Variants in TRIM5 observed in about 807,000 individuals in gnomAD.
The protein encoded by TRIM5 is tripartite motif-containing protein 5.
A neutral mutation model predicts 35.6 loss-of-function variants in TRIM5; 31 were observed. The ratio of observed to expected loss-of-function variants is 0.87; its 90% CI spans 0.65 to 1.18. TRIM5 has a LOEUF of 1.18. Among genes scored for constraint, TRIM5 ranks in the 50% most tolerant of loss-of-function variants. The pLI is 0.00. For synonymous variants in TRIM5, 243 were observed against 215.6 expected, an observed-to-expected ratio of 1.13 and a Z score of -1.11; for missense variants, 609 against 591.6, an observed-to-expected ratio of 1.03 and a Z score of -0.31.
chr11:5,658,134 C>T, the TRIM5 span, among the ~76,000 whole-genome samples: 2 of 152,094 alleles, frequency 1.3e-5, no homozygotes, highest in South Asian at 2.1e-4. Context: ...GCCTGCTATG[C>T]CCCCATCCTG....
Position 5,665,143 on chromosome 11 carries a change from G to A in TRIM5, c.1148C>T (p.Ala383Val). 3 of 1,613,986 alleles carry A rather than the reference G, an allele frequency of 1.9e-6. No individual in the cohort carries two copies. The highest frequency in any genetic ancestry group is 2.5e-6 in the Non-Finnish European group (3 of 1,179,972). ...LGVCAGFQPD[A>V]MCNIEKNENY... ...TTCATTTTTTTCAATATTACACATT[G>A]CATCAGGTTGGAAGCCAGCACATAC... Residue 383 changes from alanine to valine, a missense_variant, in exon 8 of 8, where the codon GCA becomes GTA. Transcript: ENST00000380034.
At chr11:5,631,982 T>C in the TRIM5 span, among the ~76,000 whole-genome samples, 1 of 152,194 alleles carries the variant, frequency 6.6e-6, no homozygotes, top group South Asian at 2.1e-4. Context: ...GCAGCCCTTC[T>C]GATGAAGGGA....
intron 5 of TRIM5, chr11:5,666,333 A>G: frequency 1.8e-6 from 1 of 545,806 alleles, no homozygotes. Flanking sequence ...TTCTAAAATG[A>G]AATAATTAAC....
the TRIM5 span, among the ~76,000 whole-genome samples, chr11:5,591,627 A>C: frequency 6.3e-3 from 951 of 152,120 alleles, 11 homozygotes; most frequent in African/African-American, 0.021. Context: ...CAGCCTGGGC[A>C]AAAAGGGCAA....
At chr11:5,628,817 T>TTG in the TRIM5 span, among the ~76,000 whole-genome samples, 1 of 151,780 alleles carries the variant, frequency 6.6e-6, no homozygotes. Flanking sequence ...TTTTTTTTTT[T>TTG]CAGAAGGCTC....
Position 5,665,008 on chromosome 11 carries a change from G to C in TRIM5, c.1283C>G (p.Pro428Arg). 1 of 1,614,036 alleles carries C rather than the reference G, an allele frequency of 6.2e-7. No homozygotes were observed. Among genetic ancestry groups the C allele is most frequent in the Non-Finnish European group, 8.5e-7 (1 of 1,180,010 alleles). The change falls in exon 8 of 8, where the codon CCC becomes CGC. Residue 428 changes from proline to arginine, a missense_variant. Physicochemically the swap from Pro to Arg is moderately radical, Grantham distance 103. Transcript: ENST00000380034. ...ATCAGGACAAATAATCACAGAGAGG[G>C]GCACAATGAAAGGAACAGAAGGAGT... is the stretch of plus-strand genomic sequence containing the variant. ...FHTPSVPFIVPLSVIICPDRV... is the reference protein window; with the variant it reads ...FHTPSVPFIVRLSVIICPDRV...
At chr11:5,665,611 A>G in intron 7 of TRIM5, 45 bp downstream of exon 7, 1 of 1,581,448 alleles carries the variant, frequency 6.3e-7, no homozygotes. Context: ...GATAATAATA[A>G]TGATAAGCCG....
rs746486829 is a variant in TRIM5, at chr11:5,665,204, C to T, written c.1087G>A (p.Val363Ile). 4.1e-5 allele frequency: 66 copies of T among 1,614,024 alleles called. No individual in the cohort carries two copies. Among genetic ancestry groups the T allele is most frequent in the Non-Finnish European group, 5.6e-5 (66 of 1,180,024 alleles). Residue 363 changes from valine to isoleucine, a missense_variant, in exon 8 of 8, where the codon GTA (valine) becomes ATA (isoleucine). Physicochemically the swap from Val to Ile is conservative, Grantham distance 29. Transcript: ENST00000380034. ...SITSGKHYWEVDVSKKTAWIL... is the reference protein window; with the variant it reads ...SITSGKHYWEIDVSKKTAWIL... The stretch of plus-strand genomic sequence containing the variant: ...CAAGCAGTTTTCTTGGACACGTCTA[C>T]CTCCCAGTAATGTTTCCCTGATGTG...
Position 5,665,147 on chromosome 11 carries a change from C to T in TRIM5, c.1144G>A (p.Asp382Asn). 1.2e-6 allele frequency: 2 copies of T among 1,614,040 alleles called. No homozygotes were observed. Among genetic ancestry groups the T allele is most frequent in the South Asian group, 1.1e-5 (1 of 91,068 alleles). ...ILGVCAGFQP[D>N]AMCNIEKNEN... ...TTTTTTTCAATATTACACATTGCATCAGGTTGGAAGCCAGCACATACCCCC... is the reference window on the plus strand; with the variant it reads ...TTTTTTTCAATATTACACATTGCATTAGGTTGGAAGCCAGCACATACCCCC... Residue 382 changes from aspartate to asparagine, a missense_variant, in exon 8 of 8, where the codon GAT becomes AAT. Transcript: ENST00000380034.
chr11:5,652,959 T>A, the TRIM5 span, among the ~76,000 whole-genome samples: 1 of 152,056 alleles, frequency 6.6e-6, no homozygotes. Flanking sequence ...TTCATGCCAT[T>A]CTCCTGCCTC....
the TRIM5 span, chr11:5,596,542 T>TGCCCCC: frequency 4.8e-5 from 1 of 20,710 alleles, no homozygotes; most frequent in African/African-American, 2.2e-4. Flanking sequence ...CCCTTCCCCC[T>TGCCCCC]TCCCCCTTCC....
Position 5,665,648 on chromosome 11 carries a change from C to T in TRIM5, c.895+8G>A, listed in dbSNP as rs774852668. On this transcript the variant is annotated splice_region_variant and intron_variant, in intron 7 of 7. Coordinates refer to ENST00000380034, the MANE Select transcript of TRIM5 (RefSeq NM_033034.3). ...AGGGTGGCTTATGATAATGTGACTT[C>T]TCCTTACCCCAGTAGCGTCGGACAT... 6 of 1,552,902 alleles carry T rather than the reference C, an allele frequency of 3.9e-6. No individual in the cohort carries two copies. The highest frequency in any genetic ancestry group is 5.2e-6 in the Non-Finnish European group (6 of 1,159,864).
chr11:5,626,439 A>C, the TRIM5 span, among the ~76,000 whole-genome samples: 1 of 152,216 alleles, frequency 6.6e-6, no homozygotes, highest in African/African-American at 2.4e-5. Flanking sequence ...GTTTTTATGA[A>C]AGTTTTAAAT....
the TRIM5 span, chr11:5,645,871 A>AC: frequency 7.6e-6 from 1 of 132,260 alleles, no homozygotes; most frequent in South Asian, 2.6e-4. Context: ...CTTCTGGAAA[A>AC]AAAAAAAAAA....
At chr11:5,682,269 G>T (rs1032136408) in intron 1 of TRIM5, among the ~76,000 whole-genome samples, 1 of 152,160 alleles carries the variant, frequency 6.6e-6, no homozygotes, top group Admixed American at 6.5e-5. Context: ...TGAGCTTGGT[G>T]ACAGGTGCCT....
chr11:5,594,718 G>A, the TRIM5 span, among the ~76,000 whole-genome samples: 5 of 152,234 alleles, frequency 3.3e-5, no homozygotes, highest in South Asian at 6.2e-4. Flanking sequence ...AAAATGGCCT[G>A]AGAAGGGACT....
the TRIM5 span, among the ~76,000 whole-genome samples, chr11:5,627,329 G>A: frequency 0.24 from 36,864 of 151,824 alleles, 4,886 homozygotes; most frequent in East Asian, 0.46. Context: ...GCAGTGAGCC[G>A]AGATCATGCC....
chr11:5,672,307 G>A (rs1298646052), intron 4 of TRIM5, among the ~76,000 whole-genome samples: 2 of 152,052 alleles, frequency 1.3e-5, no homozygotes, highest in South Asian at 2.1e-4. Flanking sequence ...TGCCTCCCAG[G>A]TTCAAGCGAG....
chr11:5,629,143 G>A, the TRIM5 span, among the ~76,000 whole-genome samples: 4 of 152,220 alleles, frequency 2.6e-5, no homozygotes, highest in African/African-American at 7.2e-5. Flanking sequence ...TGGGCGTGGT[G>A]GCATACACCT....
Sources: gnomAD v4.1 joint callset for allele counts (sites outside exome capture counted in the v4.1 genomes callset) on GRCh38, gnomAD v4.1.1 for gene constraint, MANE v1.5 for transcripts, NCBI Gene and HGNC (gene_info 2026-07-23, HGNC 2026-07-21) for gene names.